Variants in ZC3H18 observed in about 807,000 individuals in gnomAD.
ZC3H18 encodes the protein zinc finger CCCH domain-containing protein 18.
In ZC3H18, 8 loss-of-function variants were observed where a neutral mutation model predicts 106.1. That is an observed-to-expected ratio of 0.08 (90% CI 0.04 to 0.14). ZC3H18 has a LOEUF of 0.14. Among genes scored for constraint, ZC3H18 ranks in the 10% least tolerant of loss-of-function variants. ZC3H18 has a pLI of 1.00. For missense variants in ZC3H18, 1,318 were observed against 1,278.4 expected, an observed-to-expected ratio of 1.03 and a Z score of -0.47; for synonymous variants, 635 against 522.1, an observed-to-expected ratio of 1.22 and a Z score of -2.95.
chr16:88,583,128 G>A (rs900929771), intron 2 of ZC3H18, among the ~76,000 whole-genome samples: 1 of 152,246 alleles, frequency 6.6e-6, no homozygotes, highest in Non-Finnish European at 1.5e-5. Context: ...GCAGCTCCAC[G>A]CAGTGGCCCC....
chr16:88,600,835 G>A (rs1359701256), intron 6 of ZC3H18, among the ~76,000 whole-genome samples: 1 of 152,244 alleles, frequency 6.6e-6, no homozygotes, highest in African/African-American at 2.4e-5. Context: ...CCTGTGGATG[G>A]CACGGTGAGG....
rs1206199861 is a variant in ZC3H18 at position 88,577,706 on chromosome 16, A to T, written c.583A>T (p.Ile195Phe). 1 of 1,613,526 alleles carries T rather than the reference A, an allele frequency of 6.2e-7. No homozygotes were observed. Reference protein sequence around the residue: ...EKKKEDDDGEIDDGEIDDDDL... With the variant: ...EKKKEDDDGEFDDGEIDDDDL... ...AAAGAAAGAGGACGATGATGGAGAA[A>T]TCGATGATGGGGAAATAGACGTGAG... The change falls in exon 2 of 18, where the codon ATC becomes TTC. Residue 195 changes from isoleucine to phenylalanine, a missense_variant. By Grantham distance (21) the Ile-to-Phe change is conservative (BLOSUM62 0). Around this residue, in one of 6 missense-constraint regions of ZC3H18, gnomAD observed 346 missense variants for 269.0 expected, o/e 1.29. Coordinates refer to ENST00000301011, the MANE Select transcript of ZC3H18 (RefSeq NM_144604.4).
intron 16 of ZC3H18, chr16:88,630,231 C>T (rs374835084): frequency 4.1e-4 from 184 of 446,908 alleles, no homozygotes; most frequent in Non-Finnish European, 6.4e-4. Context: ...GGAGTTTTGT[C>T]TCTCTGCGTG....
chr16:88,598,827 C>A, intron 5 of ZC3H18, 115 bp downstream of exon 5: 1 of 902,996 alleles, frequency 1.1e-6, no homozygotes, highest in Non-Finnish European at 1.7e-6. Context: ...TGAAGTTAGG[C>A]GTCTGTTTCT....
At position 88,624,642 on chromosome 16, in the gene ZC3H18, C is replaced by G; in HGVS notation, c.1939C>G (p.Pro647Ala). 6.2e-7 allele frequency: 1 copy of G among 1,614,010 alleles called. No homozygotes were observed. Among genetic ancestry groups the G allele is most frequent in the Non-Finnish European group, 8.5e-7 (1 of 1,180,006 alleles). The change falls in exon 12 of 18, where the codon CCA (proline) becomes GCA (alanine). Residue 647 changes from proline (P) to alanine (A), a missense_variant. Coordinates refer to ENST00000301011, the MANE Select transcript of ZC3H18 (RefSeq NM_144604.4). ...VKKPAPPPAP[P>A]QATKTTAPVP... ...GAAGCCGGCCCCGCCTCCAGCCCCA[C>G]CACAGGCCACCAAAACCACTGCTCC...
intron 2 of ZC3H18, 54 bp from the exon 3 acceptor site, chr16:88,586,546 C>T (rs1915445734): frequency 3.5e-6 from 5 of 1,433,554 alleles, no homozygotes; most frequent in Admixed American, 1.7e-5. Flanking sequence ...TTGGAGAAAG[C>T]AGTGCTGATT....
intron 1 of ZC3H18, among the ~76,000 whole-genome samples, chr16:88,572,789 A>G (rs972328918): frequency 2.6e-5 from 4 of 151,566 alleles, no homozygotes; most frequent in Admixed American, 1.3e-4. Context: ...ACGGAGTCTC[A>G]CTCTGCTACC....
intron 3 of ZC3H18, among the ~76,000 whole-genome samples, chr16:88,596,317 G>T (rs1047773564): frequency 6.6e-6 from 1 of 152,130 alleles, no homozygotes; most frequent in African/African-American, 2.4e-5. Flanking sequence ...ATAACATTTA[G>T]CCACCACCCA....
chr16:88,627,445 A>C lies in ZC3H18; in HGVS notation c.2109-177A>C. 1 of 763,228 alleles carries C rather than the reference A, an allele frequency of 1.3e-6. No individual in the cohort carries two copies. Among genetic ancestry groups the C allele is most frequent in the Non-Finnish European group, 2.0e-6 (1 of 500,800 alleles). The allele number at this position is 763,228 out of a possible 1,614,324, so 47.3% of individuals were successfully genotyped here. A position where few individuals can be genotyped will look rare whatever the true frequency, so the allele number is the denominator to read the frequency against. On this transcript the variant is annotated intron_variant, in intron 13 of 17. Transcript: ENST00000301011. This position sits in a 1 kb window ranked among gnomAD's most constrained non-coding sequence, Gnocchi z 4.5. ...AGTGAAATGGGGCCCTGGCCTAGCC[A>C]TGGGGACGTCCCTTACTTTGTAACC...
chr16:88,581,607 G>C (rs961564825), intron 2 of ZC3H18, among the ~76,000 whole-genome samples: 1 of 152,180 alleles, frequency 6.6e-6, no homozygotes, highest in African/African-American at 2.4e-5. Context: ...TTTGTGGTGT[G>C]GGTGAGGGCG....
chr16:88,585,989 G>A (rs1915410606), intron 2 of ZC3H18, among the ~76,000 whole-genome samples: 1 of 152,134 alleles, frequency 6.6e-6, no homozygotes. Context: ...AACAGGCCCT[G>A]GGACAGTGGG....
chr16:88,577,755 G>T, intron 2 of ZC3H18, 29 bp downstream of exon 2: 2 of 1,612,226 alleles, frequency 1.2e-6, no homozygotes, highest in Non-Finnish European at 1.7e-6. Context: ...AGCGTCGCGG[G>T]GCATCCTGCC....
At chr16:88,580,194 G>A (rs1286972545) in intron 2 of ZC3H18, among the ~76,000 whole-genome samples, 12 of 86,376 alleles carry the variant, frequency 1.4e-4, no homozygotes, top group Admixed American at 5.6e-4. Context: ...GTGTGTGTGT[G>A]TGTGTGTGTG....
intron 1 of ZC3H18, among the ~76,000 whole-genome samples, chr16:88,573,999 G>C (rs199952340): frequency 1.3e-5 from 2 of 150,758 alleles, no homozygotes; most frequent in Admixed American, 1.3e-4. Flanking sequence ...TCAGCCTCCC[G>C]AGCAGCTGGG....
rs139646372 is a variant in ZC3H18, at chr16:88,627,971, C to T, written c.2321C>T (p.Ser774Leu). The change falls in exon 15 of 18, where the codon TCG (serine) becomes TTG (leucine). Residue 774 changes from serine (S) to leucine (L), a missense_variant. Physicochemically the swap from Ser to Leu is moderately radical, Grantham distance 145. Coordinates refer to ENST00000301011, the MANE Select transcript of ZC3H18 (RefSeq NM_144604.4). The surrounding 1 kb of genome is among the most constrained non-coding windows in gnomAD (Gnocchi z 4.5). ...GVKEEKRKRD[S>L]STQPPKSAKP... ...AAAGAGGAAAAGCGGAAAAGGGATT[C>T]GTCCACACAACCACCCAAATCTGCA... The T allele has an allele frequency of 3.7e-6, 6 of 1,614,022 alleles. No individual in the cohort carries two copies. The highest frequency in any genetic ancestry group is 1.3e-5 in the African/African-American group (1 of 74,916).
chr16:88,609,231 A>T (rs1905159355), intron 7 of ZC3H18, 180 bp downstream of exon 7: 1 of 425,338 alleles, frequency 2.4e-6, no homozygotes, highest in Non-Finnish European at 4.2e-6. Context: ...GATTACATTA[A>T]TGGTCATTTG....
chr16:88,590,882 T>A (rs528959145), intron 3 of ZC3H18, among the ~76,000 whole-genome samples: 136 of 151,654 alleles, frequency 9.0e-4, no homozygotes, highest in African/African-American at 3.2e-3. Flanking sequence ...TTCTGATTTA[T>A]CCCTCAGTGA....
intron 6 of ZC3H18, among the ~76,000 whole-genome samples, chr16:88,602,759 C>T (rs995146171): frequency 1.3e-5 from 2 of 152,142 alleles, no homozygotes; most frequent in African/African-American, 2.4e-5. Flanking sequence ...GCAATCCTCG[C>T]GCCTGAGCCT....
In ZC3H18 at chr16:88,624,026, C is replaced by T. The variant is rs779203585; in HGVS notation, c.1862C>T (p.Thr621Ile). The T allele has an allele frequency of 6.2e-7, 1 of 1,614,104 alleles. No homozygotes were observed. The highest frequency in any genetic ancestry group is 8.5e-7 in the Non-Finnish European group (1 of 1,179,972). ...TPSPHRPSIR[T>I]KGEPAPPPGK... ...TCCCCACATAGACCTTCCATCAGAA[C>T]CAAGGGAGAGCCGGCCCCGCCGCCC... The change falls in exon 11 of 18, where the codon ACC becomes ATC. Residue 621 changes from threonine (T) to isoleucine (I), a missense_variant. By Grantham distance (89) the Thr-to-Ile change is moderately conservative. Around this residue, in one of 6 missense-constraint regions of ZC3H18, gnomAD observed 848 missense variants for 821.7 expected, o/e 1.03. Transcript: ENST00000301011.
Sources: allele counts gnomAD v4.1 joint callset (sites outside exome capture counted in the v4.1 genomes callset), GRCh38; gene constraint gnomAD v4.1.1; regional missense constraint gnomAD v4.1.1; non-coding constraint Gnocchi (gnomAD v3.1); transcripts MANE v1.5; gene names NCBI Gene and HGNC (gene_info 2026-07-23, HGNC 2026-07-21).